Variants in P2RX5 observed in about 807,000 individuals in gnomAD.
P2RX5 encodes purinergic receptor P2X 5.
A neutral mutation model predicts 54.1 loss-of-function variants in P2RX5; 46 were observed. The observed-to-expected ratio is 0.85, with a 90% CI of 0.67 to 1.09. The LOEUF is 1.09. P2RX5 is among the 50% of genes least tolerant of loss of function. The pLI is 0.00. For missense variants in P2RX5, 566 were observed against 549.8 expected (o/e 1.03, Z -0.29); for synonymous variants, 226 against 226.4 (o/e 1.00, Z 0.02).
intron 7 of P2RX5, 99 bp from the exon 8 acceptor site, chr17:3,688,858 G>A (rs530767832): frequency 1.4e-6 from 2 of 1,380,338 alleles, no homozygotes; most frequent in African/African-American, 1.4e-5. Flanking sequence ...AGGAGGAGGT[G>A]CTCAGGCACG....
At chr17:3,713,300 C>T in the P2RX5 span, among the ~76,000 whole-genome samples, 2 of 152,066 alleles carry the variant, frequency 1.3e-5, no homozygotes, top group Admixed American at 6.6e-5. Flanking sequence ...TTCAAGGCTG[C>T]AGCAACCTAT....
the P2RX5 span, chr17:3,722,496 A>AAG: frequency 6.6e-6 from 1 of 152,596 alleles, no homozygotes; most frequent in Non-Finnish European, 1.5e-5. Flanking sequence ...AAAAAAAAAA[A>AAG]AAAGAAAAGA....
chr17:3,694,776 C>T (rs1395544895), intron 1 of P2RX5, among the ~76,000 whole-genome samples: 1 of 152,246 alleles, frequency 6.6e-6, no homozygotes, highest in Non-Finnish European at 1.5e-5. Flanking sequence ...TGGGGCCCCA[C>T]CCTCAGGGCA....
the P2RX5 span, among the ~76,000 whole-genome samples, chr17:3,701,710 A>AATAAT: frequency 6.7e-6 from 1 of 148,610 alleles, no homozygotes; most frequent in Non-Finnish European, 1.5e-5. Flanking sequence ...AAAAAAAAAA[A>AATAAT]AAAAAAAAAG....
At chr17:3,689,933 CGCACACACGCGAACACACGCACACACGT>C in intron 6 of P2RX5, 109 bp downstream of exon 6, 1 of 882,300 alleles carries the variant, frequency 1.1e-6, no homozygotes. Flanking sequence ...CGCGCACACA[CGCACACACGCGAACACACGCACACACGT>C]GCACACACGC....
At chr17:3,699,874 A>AAAGAAAGAAAGAAAGAAAGGAAGG (rs1567744280), upstream of P2RX5, among the ~76,000 whole-genome samples, 7 of 42,748 alleles carry the variant, frequency 1.6e-4, no homozygotes, top group East Asian at 6.8e-4. Flanking sequence ...AGAAAGAAAG[A>AAAGAAAGAAAGAAAGAAAGGAAGG]AAGGAAGGAA....
At chr17:3,690,779 CCA>C in intron 3 of P2RX5, 99 bp from the exon 4 acceptor site, 1 of 1,314,772 alleles carries the variant, frequency 7.6e-7, no homozygotes, top group Middle Eastern at 1.8e-4. Flanking sequence ...TCGGCCTGGC[CCA>C]CACACACTCT....
the P2RX5 span, among the ~76,000 whole-genome samples, chr17:3,706,909 TATA>T: frequency 6.6e-6 from 1 of 152,300 alleles, no homozygotes; most frequent in Non-Finnish European, 1.5e-5. Context: ...TGCGCCCACC[TATA>T]ATCTTGATAC....
At position 3,694,832 on chromosome 17, in the gene P2RX5, C is replaced by T. The variant is rs1384723544; in HGVS notation, c.137+1037G>A. On this transcript the variant is annotated intron_variant, in intron 1 of 11. Transcript: ENST00000225328. Reference sequence around the variant, plus strand: ...TCAGGCAAATGATCCCCCAAATAAGCCCAATAATTACACTGTGGGAAGGCC... The same window carrying T: ...TCAGGCAAATGATCCCCCAAATAAGTCCAATAATTACACTGTGGGAAGGCC... Among the ~76,000 whole-genome samples the T allele has an allele frequency of 3.9e-5, 6 of 152,216 alleles. No individual in the cohort carries two copies. In the East Asian group the frequency reaches 1.2e-3, roughly 29 times the overall value.
chr17:3,676,613 G>A, intron 11 of P2RX5: 1 of 984,728 alleles, frequency 1.0e-6, no homozygotes, highest in Non-Finnish European at 1.2e-6. Context: ...CACCAAAGCT[G>A]GCCTTTTTCC....
chr17:3,680,382 TGCATCCTCCACCCTGCATCCTCCACCCA>T (rs2050227768), intron 10 of P2RX5, among the ~76,000 whole-genome samples: 1 of 122,494 alleles, frequency 8.2e-6, no homozygotes, highest in African/African-American at 3.1e-5. Flanking sequence ...TCCTCCACCC[TGCATCCTCCACCCTGCATCCTCCACCCA>T]GCGTCCTCCA....
intron 11 of P2RX5, chr17:3,677,222 C>T: frequency 1.0e-6 from 1 of 985,368 alleles, no homozygotes; most frequent in South Asian, 4.7e-5. Flanking sequence ...CTGAGTGGCG[C>T]CATCCTTGAT....
intron 1 of P2RX5, among the ~76,000 whole-genome samples, chr17:3,695,112 G>A (rs554649893): frequency 6.6e-6 from 1 of 152,346 alleles, no homozygotes; most frequent in South Asian, 2.1e-4. Context: ...TACTGAACGA[G>A]TGGAATGAGG....
the P2RX5 span, among the ~76,000 whole-genome samples, chr17:3,701,550 G>A: frequency 2.0e-5 from 3 of 151,878 alleles, no homozygotes; most frequent in Non-Finnish European, 2.9e-5. Flanking sequence ...AAATTAGCCC[G>A]TCATGGTGGC....
At chr17:3,693,533 C>T (rs1460319364) in intron 1 of P2RX5, among the ~76,000 whole-genome samples, 2 of 152,024 alleles carry the variant, frequency 1.3e-5, no homozygotes, top group African/African-American at 2.4e-5. Context: ...GTCAGGAGTT[C>T]GAGGCCAGCC....
At chr17:3,699,095 C>CACACACACACA (rs60173844), upstream of P2RX5, among the ~76,000 whole-genome samples, 3,861 of 100,038 alleles carry the variant, frequency 0.039, 156 homozygotes, top group South Asian at 0.05. Context: ...ACACACACAC[C>CACACACACACA]TATATATATA....
intron 5 of P2RX5, 91 bp from the exon 6 acceptor site, chr17:3,690,241 TC>T (rs2050572354): frequency 7.6e-7 from 1 of 1,309,892 alleles, no homozygotes; most frequent in Non-Finnish European, 1.1e-6. Context: ...GTTCCTTGGG[TC>T]CCCTGGAGCC....
chr17:3,714,323 G>A, the P2RX5 span, among the ~76,000 whole-genome samples: 2 of 151,970 alleles, frequency 1.3e-5, no homozygotes, highest in Non-Finnish European at 2.9e-5. Context: ...CGCCTCCCAG[G>A]TTCAAATGAT....
the P2RX5 span, chr17:3,720,284 C>A: frequency 7.9e-7 from 1 of 1,262,664 alleles, no homozygotes; most frequent in Non-Finnish European, 1.2e-6. Context: ...TTGGGCACTA[C>A]TCAGAAGCCA....
Sources: gnomAD v4.1 joint callset for allele counts (sites outside exome capture counted in the v4.1 genomes callset) on GRCh38, gnomAD v4.1.1 for gene constraint, MANE v1.5 for transcripts, NCBI Gene and HGNC (gene_info 2026-07-23, HGNC 2026-07-21) for gene names.